ADAM2: variants seen among roughly 807,000 people sequenced by gnomAD.
The protein encoded by ADAM2 is ADAM metallopeptidase domain 2.
ADAM2 carries 101 observed loss-of-function variants against 99.3 expected under a neutral mutation model. The observed-to-expected ratio is 1.02, with a 90% confidence interval of 0.87 to 1.20. The LOEUF is 1.20. Ranked by LOEUF, ADAM2 falls within the 50% of genes most tolerant of loss-of-function variation. The pLI, the probability that ADAM2 is intolerant of heterozygous loss-of-function variation, is 0.00. For synonymous variants in ADAM2, 323 were observed against 287.6 expected (o/e 1.12, Z -1.25); for missense variants, 948 against 878.7 (o/e 1.08, Z -1.00).
chr8:39,753,272 G>C (rs952795557), intron 16 of ADAM2, among the ~76,000 whole-genome samples: 5 of 152,182 alleles, frequency 3.3e-5, no homozygotes, highest in African/African-American at 9.7e-5. Flanking sequence ...AGCAAGAAGA[G>C]TGGCAGCATT....
At position 39,838,152 on chromosome 8, in the gene ADAM2, C is replaced by T. The variant is rs143951717; in HGVS notation, c.34G>A (p.Gly12Ser). The T allele has an allele frequency of 3.0e-4, 487 of 1,614,128 alleles. 1 individual carries two copies. The African/African-American group carries it at 3.9e-3, about 13-fold the overall frequency. ...TTACTACTGTCCATCCGCAGCCCGC[C>T]GAGCCCGCTGAGCAGAAACAAGACG... is the stretch of plus-strand genomic sequence containing the variant. Reference protein sequence around the residue: ...WRVLFLLSGLGGLRMDSNFDS... With the variant: ...WRVLFLLSGLSGLRMDSNFDS... The change falls in exon 1 of 21, where the codon GGC becomes AGC. Residue 12 changes from glycine to serine, a missense_variant. Coordinates refer to ENST00000265708, the MANE Select transcript of ADAM2 (RefSeq NM_001464.5).
At chr8:39,788,036 G>T in intron 9 of ADAM2, 49 bp downstream of exon 9, 2 of 1,232,548 alleles carry the variant, frequency 1.6e-6, no homozygotes, top group Non-Finnish European at 2.1e-6. Context: ...CGGTCAAATT[G>T]CATAAATTTT....
At position 39,834,003 on chromosome 8, in the gene ADAM2, G is replaced by A; in HGVS notation, c.133-4C>T. 2 of 1,551,142 alleles carry A rather than the reference G, an allele frequency of 1.3e-6. No individual in the cohort carries two copies. Among genetic ancestry groups the A allele is most frequent in the Non-Finnish European group, 1.8e-6 (2 of 1,127,766 alleles). ...CAATTACAATTTTGTAGGATGCCTG[G>A]CAGGAGAGCACAGTAAAAATACAAA... On this transcript the variant is annotated splice_region_variant and splice_polypyrimidine_tract_variant and intron_variant, in intron 2 of 20. Coordinates refer to ENST00000265708, the MANE Select transcript of ADAM2 (RefSeq NM_001464.5).
At chr8:39,770,622 C>A (rs987669773) in intron 11 of ADAM2, among the ~76,000 whole-genome samples, 12 of 152,232 alleles carry the variant, frequency 7.9e-5, no homozygotes, top group Admixed American at 6.5e-5. Flanking sequence ...TTCCTCCTTG[C>A]AATATGAAGA....
rs1333538706 is a variant in ADAM2, at chr8:39,749,159, T to A, written c.2014+153A>T. On this transcript the variant is annotated intron_variant, in intron 18 of 20. Coordinates refer to ENST00000265708, the MANE Select transcript of ADAM2 (RefSeq NM_001464.5). Reference sequence around the variant, plus strand: ...CTACATATGTTGTAATATATTACTCTCTGGAAGTGGAAGTAACACATACAC... The same window carrying A: ...CTACATATGTTGTAATATATTACTCACTGGAAGTGGAAGTAACACATACAC... Among the ~76,000 whole-genome samples the A allele has an allele frequency of 2.0e-5, 3 of 152,124 alleles. No homozygotes were observed. In the East Asian group the frequency reaches 5.8e-4, roughly 29 times the overall value.
intron 20 of ADAM2, 68 bp from the exon 21 acceptor site, chr8:39,744,132 A>G (rs969266888): frequency 6.6e-6 from 1 of 152,156 alleles, no homozygotes; most frequent in East Asian, 1.9e-4. Flanking sequence ...AACAAATAGC[A>G]TGCAAGTAAC....
intron 10 of ADAM2, among the ~76,000 whole-genome samples, chr8:39,781,338 T>C (rs1382922396): frequency 2.0e-5 from 3 of 152,172 alleles, no homozygotes; most frequent in African/African-American, 4.8e-5. Flanking sequence ...TACTTTGTAC[T>C]AGACACAAAA....
At chr8:39,761,014 T>C (rs1014244406) in intron 15 of ADAM2, among the ~76,000 whole-genome samples, 162 bp downstream of exon 15, 1 of 152,004 alleles carries the variant, frequency 6.6e-6, no homozygotes, top group African/African-American at 2.4e-5. Context: ...ATAATTTGGT[T>C]ATAGGAGAGG....
Position 39,801,453 on chromosome 8 carries a change from A to G in ADAM2, c.570+7957T>C, listed in dbSNP as rs558008840. Among the ~76,000 whole-genome samples, 7 of 152,200 alleles carry G rather than the reference A, an allele frequency of 4.6e-5. No individual in the cohort carries two copies. In the South Asian group the frequency reaches 1.5e-3, roughly 32 times the overall value. On this transcript the variant is annotated intron_variant, in intron 7 of 20. Transcript: ENST00000265708. ...CTGATGCCAGTAGGATTACTCCTCT[A>G]TAGGGGGTCTGACAACCCCTCTTGG...
At chr8:39,830,934 C>T (rs978905116) in intron 3 of ADAM2, among the ~76,000 whole-genome samples, 13 of 152,060 alleles carry the variant, frequency 8.5e-5, no homozygotes, top group African/African-American at 3.1e-4. Flanking sequence ...GGATTAGTGT[C>T]CTTATGAAAG....
Position 39,812,988 on chromosome 8 carries a change from T to C in ADAM2, c.514-3522A>G, listed in dbSNP as rs145388868. Among the ~76,000 whole-genome samples, 60 of 151,190 alleles carry C rather than the reference T, an allele frequency of 4.0e-4. No individual in the cohort carries two copies. In the East Asian group the frequency reaches 0.01, roughly 26 times the overall value. ...ACCATCAGAGTGAAGAGGCAACCTA[T>C]AGAATGGGAGAAAAGTTTTACAATC... is the stretch of plus-strand genomic sequence containing the variant. On this transcript the variant is annotated intron_variant, in intron 6 of 20. Coordinates refer to ENST00000265708, the MANE Select transcript of ADAM2 (RefSeq NM_001464.5).
intron 4 of ADAM2, among the ~76,000 whole-genome samples, chr8:39,823,246 G>A (rs1805270507): frequency 6.6e-6 from 1 of 152,056 alleles, no homozygotes; most frequent in Non-Finnish European, 1.5e-5. Flanking sequence ...TGGTTTAGCT[G>A]GCTGATTTTT....
chr8:39,832,101 C>T (rs1805642194), intron 3 of ADAM2, among the ~76,000 whole-genome samples: 1 of 152,050 alleles, frequency 6.6e-6, no homozygotes, highest in Non-Finnish European at 1.5e-5. Flanking sequence ...CTCTAAATAT[C>T]CTACTAATCT....
chr8:39,802,644 TG>T (rs1335048198), intron 7 of ADAM2, among the ~76,000 whole-genome samples: 11 of 152,300 alleles, frequency 7.2e-5, no homozygotes, highest in Admixed American at 7.2e-4. Context: ...AAACTGGAGC[TG>T]GACAACTTGA....
chr8:39,802,088 G>A (rs1163730512), intron 7 of ADAM2, among the ~76,000 whole-genome samples: 3 of 152,188 alleles, frequency 2.0e-5, no homozygotes, highest in Non-Finnish European at 4.4e-5. Flanking sequence ...AAGAATCTGC[G>A]TGTTCCATGG....
At position 39,836,945 on chromosome 8, in the gene ADAM2, C is replaced by T. The variant is rs114178463; in HGVS notation, c.132+191G>A. Among the ~76,000 whole-genome samples, 245 of 152,324 alleles carry T rather than the reference C, an allele frequency of 1.6e-3. 1 individual carries two copies. The highest frequency in any genetic ancestry group is 5.4e-3 in the African/African-American group (223 of 41,578). ...GACTTGGGGCTTTGATAACCAGCAT[C>T]ACTGCACCATTATTTCTGTGAAACA... is the stretch of plus-strand genomic sequence containing the variant. On this transcript the variant is annotated intron_variant, in intron 2 of 20. Coordinates refer to ENST00000265708, the MANE Select transcript of ADAM2 (RefSeq NM_001464.5).
At chr8:39,777,214 G>C in intron 10 of ADAM2, 53 bp from the exon 11 acceptor site, 5 of 1,418,970 alleles carry the variant, frequency 3.5e-6, no homozygotes, top group Non-Finnish European at 4.9e-6. Context: ...TGTTTACTGG[G>C]AGAACAATGC....
At chr8:39,816,212 A>G (rs780825647) in intron 6 of ADAM2, among the ~76,000 whole-genome samples, 31 of 152,214 alleles carry the variant, frequency 2.0e-4, no homozygotes, top group Admixed American at 4.6e-4. Flanking sequence ...CAGGAGAATC[A>G]CTTGAACCCG....
intron 3 of ADAM2, among the ~76,000 whole-genome samples, chr8:39,827,664 T>C (rs1340968805): frequency 1.3e-5 from 2 of 152,104 alleles, no homozygotes; most frequent in African/African-American, 4.8e-5. Flanking sequence ...CTCATTTATA[T>C]GGAGAGTCTA....
Sources: allele counts gnomAD v4.1 joint callset (sites outside exome capture counted in the v4.1 genomes callset), GRCh38; gene constraint gnomAD v4.1.1; transcripts MANE v1.5; gene names NCBI Gene and HGNC (gene_info 2026-07-23, HGNC 2026-07-21).